Variants in GLI2 observed in about 807,000 individuals in gnomAD.
GLI2 encodes transcription activator GLI2.
GLI2 carries 22 observed loss-of-function variants against 78.9 expected under a neutral mutation model. The observed-to-expected ratio is 0.28, with a 90% confidence interval of 0.20 to 0.40. The LOEUF (loss-of-function observed/expected upper bound fraction) is 0.40, where lower values mean the gene tolerates loss of function less well. GLI2 is among the 10% of genes least tolerant of loss of function. GLI2 has a pLI of 1.00. For synonymous variants in GLI2, 974 were observed against 963.7 expected, an observed-to-expected ratio of 1.01 and a Z score of -0.20; for missense variants, 2,097 against 2,213.2, an observed-to-expected ratio of 0.95 and a Z score of 1.05.
rs561799318 is a variant in GLI2 at position 120,846,131 on chromosome 2, C to A, written c.148+48663C>A. On this transcript the variant is annotated intron_variant, in intron 2 of 13. Transcript: ENST00000361492. ...TGTGGAGTGGGCCTGGTTTAGATCT[C>A]CCCCGTCAGTCATTCTGGTTTCTTG... 8.5e-5 allele frequency among the ~76,000 whole-genome samples: 13 copies of A among 152,282 alleles called. No homozygotes were observed. In the South Asian group the frequency reaches 2.7e-3, roughly 32 times the overall value.
chr2:120,839,416 A>G (rs993457013), intron 2 of GLI2, among the ~76,000 whole-genome samples: 4 of 152,160 alleles, frequency 2.6e-5, no homozygotes, highest in Admixed American at 1.3e-4. Flanking sequence ...CATTCAACCA[A>G]TCAATCTACC....
At chr2:120,955,471 A>C (rs1370055167) in intron 5 of GLI2, 41 bp downstream of exon 5, 3 of 1,284,364 alleles carry the variant, frequency 2.3e-6, no homozygotes, top group Non-Finnish European at 3.3e-6. Context: ...GGGCTAGCAG[A>C]TCTCCTCTTG....
At chr2:120,913,923 G>A (rs1393905033) in intron 2 of GLI2, among the ~76,000 whole-genome samples, 2 of 152,242 alleles carry the variant, frequency 1.3e-5, no homozygotes, top group Non-Finnish European at 1.5e-5. Context: ...AAGAGCTATG[G>A]CAGAGTGCAA....
chr2:120,967,231 G>A (rs1338650591), intron 5 of GLI2, among the ~76,000 whole-genome samples: 1 of 152,222 alleles, frequency 6.6e-6, no homozygotes, highest in Non-Finnish European at 1.5e-5. Context: ...CCATGCAGGT[G>A]TCCAGAAAGT....
intron 2 of GLI2, among the ~76,000 whole-genome samples, chr2:120,890,118 C>G (rs1187337216): frequency 6.6e-6 from 1 of 152,216 alleles, no homozygotes; most frequent in Non-Finnish European, 1.5e-5. Flanking sequence ...CCAGGGAATA[C>G]TACTCAGCAG....
At chr2:120,925,071 G>A (rs186260696) in intron 2 of GLI2, among the ~76,000 whole-genome samples, 1 of 152,282 alleles carries the variant, frequency 6.6e-6, no homozygotes, top group Non-Finnish European at 1.5e-5. Context: ...GGAGCACCTG[G>A]TGGTCCCGTC....
At chr2:120,967,899 G>A (rs1681937884) in intron 5 of GLI2, among the ~76,000 whole-genome samples, 1 of 152,230 alleles carries the variant, frequency 6.6e-6, no homozygotes, top group Admixed American at 6.5e-5. Flanking sequence ...AGGCTGCCCA[G>A]TAGGCTCTGG....
chr2:120,882,031 A>G (rs1009147500), intron 2 of GLI2, among the ~76,000 whole-genome samples: 1 of 152,112 alleles, frequency 6.6e-6, no homozygotes, highest in Admixed American at 6.5e-5. Context: ...TGATTCCAGA[A>G]TACACTATCC....
At chr2:120,866,983 C>T (rs567391088) in intron 2 of GLI2, 1 of 152,404 alleles carries the variant, frequency 6.6e-6, no homozygotes, top group East Asian at 1.9e-4. Context: ...TCTCAGTGCC[C>T]TCAGGGAACT....
intron 2 of GLI2, among the ~76,000 whole-genome samples, chr2:120,878,675 C>G (rs370163045): frequency 1.3e-5 from 2 of 152,310 alleles, no homozygotes; most frequent in African/African-American, 2.4e-5. Context: ...TGGCTCACGC[C>G]TGTAATCTCA....
intron 1 of GLI2, among the ~76,000 whole-genome samples, chr2:120,765,027 TC>T (rs983525616): frequency 1.1e-4 from 17 of 152,162 alleles, no homozygotes; most frequent in Admixed American, 9.2e-4. Context: ...TCACTCCTCT[TC>T]CTGTATGTGG....
intron 5 of GLI2, among the ~76,000 whole-genome samples, chr2:120,967,958 C>T (rs2592596): frequency 0.78 from 119,221 of 152,182 alleles, 51,767 homozygotes; most frequent in East Asian, 1. Flanking sequence ...GGGCCGCCAT[C>T]CAGGCCTCTG....
At chr2:120,768,236 A>G (rs1683421853) in intron 1 of GLI2, among the ~76,000 whole-genome samples, 1 of 152,048 alleles carries the variant, frequency 6.6e-6, no homozygotes, top group South Asian at 2.1e-4. Context: ...TGCCTTTCCC[A>G]TTCGATCTTC....
At chr2:120,848,628 C>T (rs1258998903) in intron 2 of GLI2, among the ~76,000 whole-genome samples, 2 of 152,226 alleles carry the variant, frequency 1.3e-5, no homozygotes, top group East Asian at 3.8e-4. Context: ...GTCTCCTTGG[C>T]ACCTTTGCCT....
intron 3 of GLI2, among the ~76,000 whole-genome samples, chr2:120,938,956 T>A (rs1311494338): frequency 6.6e-6 from 1 of 152,158 alleles, no homozygotes; most frequent in African/African-American, 2.4e-5. Flanking sequence ...AAAAAAAAAT[T>A]GGTCTTATTG....
rs1242068535 is a variant in GLI2 at position 120,988,447 on chromosome 2, C to T, written c.2482C>T (p.Arg828Cys). 6.4e-7 allele frequency: 1 copy of T among 1,571,884 alleles called. No individual in the cohort carries two copies. The highest frequency in any genetic ancestry group is 1.1e-5 in the South Asian group (1 of 87,368). ...SSEASPLGAG[R>C]PHNASSADSY... The stretch of plus-strand genomic sequence containing the variant: ...CGAGGCCTCGCCCCTGGGCGCCGGC[C>T]GCCCGCACAACGCGAGCTCCGCTGA... The change falls in exon 14 of 14, where the codon CGC (arginine) becomes TGC (cysteine). Residue 828 changes from arginine (R) to cysteine (C), a missense_variant. By Grantham distance (180) the Arg-to-Cys change is radical. This residue lies in a region of GLI2 where 1,290 missense variants were observed against 1,261.7 expected (regional missense o/e 1.02). Transcript: ENST00000361492.
chr2:120,886,055 C>A (rs1677377444), intron 2 of GLI2, among the ~76,000 whole-genome samples: 1 of 151,828 alleles, frequency 6.6e-6, no homozygotes, highest in African/African-American at 2.4e-5. Flanking sequence ...CCCCTATTCT[C>A]ATTTTTCCAA....
chr2:120,896,093 A>G (rs1226968003), intron 2 of GLI2, among the ~76,000 whole-genome samples: 1 of 152,150 alleles, frequency 6.6e-6, no homozygotes, highest in Non-Finnish European at 1.5e-5. Flanking sequence ...AACAGTTAGA[A>G]CTGTCATAGT....
Position 120,801,623 on chromosome 2 carries a change from G to T in GLI2, c.148+4155G>T, listed in dbSNP as rs545548376. 9.2e-5 allele frequency among the ~76,000 whole-genome samples: 14 copies of T among 152,348 alleles called. No individual in the cohort carries two copies. In the South Asian group the frequency reaches 2.9e-3, roughly 32 times the overall value. On this transcript the variant is annotated intron_variant, in intron 2 of 13. Transcript: ENST00000361492. ...CTAATATTAAGTGGGATAAAAAGAA[G>T]GTGCAATTGATCTCAAGCACCCCTA...
Sources: allele counts gnomAD v4.1 joint callset (sites outside exome capture counted in the v4.1 genomes callset), GRCh38; gene constraint gnomAD v4.1.1; regional missense constraint gnomAD v4.1.1; transcripts MANE v1.5; gene names NCBI Gene and HGNC (gene_info 2026-07-23, HGNC 2026-07-21).